The following CES5A variants were observed in gnomAD, a reference collection of about 807,000 sequenced individuals.
CES5A encodes the protein carboxylesterase 5.
In CES5A, 67 loss-of-function variants were observed where a neutral mutation model predicts 62.9. The observed-to-expected ratio is 1.07, with a 90% CI of 0.88 to 1.31. The LOEUF (loss-of-function observed/expected upper bound fraction) is 1.31. Ranked by LOEUF, CES5A falls within the 50% of genes most tolerant of loss-of-function variation. The pLI, the probability that CES5A is intolerant of heterozygous loss-of-function variation, is 0.00. For synonymous variants in CES5A, 296 were observed against 280.8 expected (o/e 1.05, Z -0.54); for missense variants, 748 against 708.5 (o/e 1.06, Z -0.63).
chr16:55,867,547 C>T (rs1297879781), intron 4 of CES5A, among the ~76,000 whole-genome samples: 1 of 152,182 alleles, frequency 6.6e-6, no homozygotes, highest in Non-Finnish European at 1.5e-5. Flanking sequence ...AGCTGGCTCT[C>T]ACTCCACCTT....
At chr16:55,941,867 T>C (rs563267027) in intron 2 of CES5A, among the ~76,000 whole-genome samples, 4 of 152,268 alleles carry the variant, frequency 2.6e-5, no homozygotes, top group South Asian at 2.1e-4. Flanking sequence ...TTAAAAGTCA[T>C]AGAACAGTAC....
At chr16:55,857,967 G>A (rs1291309000) in intron 8 of CES5A, among the ~76,000 whole-genome samples, 1 of 152,192 alleles carries the variant, frequency 6.6e-6, no homozygotes, top group Admixed American at 6.5e-5. Context: ...GGCCAAAGCA[G>A]GTGGATCACT....
intron 1 of CES5A, among the ~76,000 whole-genome samples, chr16:55,907,500 C>G (rs1240843766): frequency 6.6e-6 from 1 of 152,166 alleles, no homozygotes; most frequent in African/African-American, 2.4e-5. Flanking sequence ...TCCCAGACTC[C>G]GTGTGATACT....
chr16:55,910,300 C>T (rs756112127), intron 1 of CES5A, among the ~76,000 whole-genome samples: 1 of 152,182 alleles, frequency 6.6e-6, no homozygotes, highest in East Asian at 1.9e-4. Flanking sequence ...TTACCCCACA[C>T]CTGACAGAAG....
chr16:55,909,325 G>A (rs764598137), intron 1 of CES5A, among the ~76,000 whole-genome samples: 4 of 152,108 alleles, frequency 2.6e-5, no homozygotes, highest in Non-Finnish European at 5.9e-5. Flanking sequence ...ACAGAATGAG[G>A]ATAAAAGTTA....
intron 2 of CES5A, among the ~76,000 whole-genome samples, chr16:55,948,279 T>C (rs1421041528): frequency 6.6e-6 from 1 of 151,960 alleles, no homozygotes; most frequent in African/African-American, 2.4e-5. Flanking sequence ...AGGGAGGATA[T>C]GGTCACATTT....
At chr16:55,893,721 C>A (rs937004543) in intron 1 of CES5A, among the ~76,000 whole-genome samples, 2 of 151,992 alleles carry the variant, frequency 1.3e-5, no homozygotes, top group African/African-American at 4.8e-5. Flanking sequence ...ATAAAAGCAT[C>A]AACAACCTAA....
intron 8 of CES5A, among the ~76,000 whole-genome samples, chr16:55,857,082 T>C (rs778594312): frequency 2.0e-5 from 3 of 152,206 alleles, no homozygotes; most frequent in Admixed American, 6.5e-5. Flanking sequence ...GTTGTTCTCC[T>C]TCTAAAGACC....
At chr16:55,905,828 G>C (rs755504853) in intron 1 of CES5A, among the ~76,000 whole-genome samples, 1 of 152,132 alleles carries the variant, frequency 6.6e-6, no homozygotes, top group Admixed American at 6.5e-5. Flanking sequence ...AACTATACGC[G>C]CAATGGAGAA....
chr16:55,933,775 C>A lies in CES5A; in HGVS notation c.160+16010G>T, dbSNP rs146132948. 1.7e-3 allele frequency among the ~76,000 whole-genome samples: 262 copies of A among 152,296 alleles called. 2 individuals are homozygous for A. Among genetic ancestry groups the A allele is most frequent in the African/African-American group, 6.0e-3 (251 of 41,560 alleles). ...TCTCACCTGGACCACTGAAACACAG[C>A]AGCCAGAGTGATTCTGTTATAATGT... On this transcript the variant is annotated intron_variant, in intron 2 of 13. Transcript: ENST00000521992.
Position 55,870,480 on chromosome 16 carries a change from T to G in CES5A, c.418-736A>C, listed in dbSNP as rs111890579. Among the ~76,000 whole-genome samples, 258 of 152,186 alleles carry G rather than the reference T, an allele frequency of 1.7e-3. 2 individuals are homozygous for G. The highest frequency in any genetic ancestry group is 6.0e-3 in the African/African-American group (250 of 41,512). On this transcript the variant is annotated intron_variant, in intron 3 of 12. Coordinates refer to ENST00000290567, the MANE Select transcript of CES5A (RefSeq NM_001143685.2). ...TTTTGGGAGGTTGACGTGGGTGGAT[T>G]GCCTGAGCTCAGGAGTTCAAGACCA...
At chr16:55,933,537 G>T (rs1236572204) in intron 2 of CES5A, among the ~76,000 whole-genome samples, 1 of 151,976 alleles carries the variant, frequency 6.6e-6, no homozygotes, top group Non-Finnish European at 1.5e-5. Flanking sequence ...CATCTTAGTT[G>T]GTGAAAATTC....
At chr16:55,857,894 G>C (rs1207329417) in intron 8 of CES5A, among the ~76,000 whole-genome samples, 1 of 151,984 alleles carries the variant, frequency 6.6e-6, no homozygotes, top group African/African-American at 2.4e-5. Flanking sequence ...CAGAGAACTC[G>C]ATATTTAAAG....
chr16:55,950,668 A>G (rs1373486593), intron 1 of CES5A, among the ~76,000 whole-genome samples: 1 of 152,116 alleles, frequency 6.6e-6, no homozygotes, highest in Non-Finnish European at 1.5e-5. Flanking sequence ...CAGAAATTGG[A>G]AATAAGAGGC....
intron 1 of CES5A, chr16:55,955,772 A>G: frequency 4.7e-6 from 7 of 1,490,344 alleles, no homozygotes; most frequent in Non-Finnish European, 6.3e-6. Context: ...ATCTAATCTA[A>G]GGCTCATCTT....
intron 2 of CES5A, among the ~76,000 whole-genome samples, chr16:55,935,696 C>T (rs1450904700): frequency 5.3e-5 from 8 of 152,200 alleles, no homozygotes; most frequent in Admixed American, 5.2e-4. Flanking sequence ...TTATAGTCAA[C>T]CTCAGATTCT....
intron 4 of CES5A, among the ~76,000 whole-genome samples, chr16:55,866,528 A>G (rs1220721254): frequency 6.6e-6 from 1 of 151,948 alleles, no homozygotes; most frequent in African/African-American, 2.4e-5. Context: ...AGTAGTCACA[A>G]TAACAATTAA....
At chr16:55,943,486 G>T (rs924527837) in intron 2 of CES5A, among the ~76,000 whole-genome samples, 1 of 152,090 alleles carries the variant, frequency 6.6e-6, no homozygotes, top group Non-Finnish European at 1.5e-5. Flanking sequence ...AGATCCCCAG[G>T]GGCACAGTAA....
chr16:55,939,051 T>G (rs1434494046), intron 2 of CES5A, among the ~76,000 whole-genome samples: 1 of 151,456 alleles, frequency 6.6e-6, no homozygotes, highest in African/African-American at 2.4e-5. Context: ...TGATTAGGAG[T>G]TTGTCTTTCT....
Sources: allele counts gnomAD v4.1 joint callset (sites outside exome capture counted in the v4.1 genomes callset), GRCh38; gene constraint gnomAD v4.1.1; transcripts MANE v1.5; gene names NCBI Gene and HGNC (gene_info 2026-07-23, HGNC 2026-07-21).